The following KCNH1 variants were observed in gnomAD, a reference collection of about 807,000 sequenced individuals.
The protein encoded by KCNH1 is potassium voltage-gated channel subfamily H member 1.
Under a neutral mutation model 69.2 loss-of-function variants are expected in KCNH1, and 27 were observed. That is an observed-to-expected ratio of 0.39 (90% CI 0.29 to 0.54). The LOEUF is 0.54. Ranked by LOEUF, KCNH1 falls within the 20% of genes least tolerant of loss-of-function variation. The pLI, the probability that KCNH1 is intolerant of heterozygous loss-of-function variation, is 0.68. For synonymous variants in KCNH1, 456 were observed against 487.7 expected, an observed-to-expected ratio of 0.93 and a Z score of 0.86; for missense variants, 798 against 1,261.6, an observed-to-expected ratio of 0.63 and a Z score of 5.57.
chr1:211,124,402 T>A (rs916725652), intron 1 of KCNH1, among the ~76,000 whole-genome samples: 2 of 152,070 alleles, frequency 1.3e-5, no homozygotes, highest in Non-Finnish European at 2.9e-5. Flanking sequence ...TCCCAGCACT[T>A]TGGGAGGCCG....
chr1:211,126,655 C>A (rs1691782137), intron 1 of KCNH1, among the ~76,000 whole-genome samples: 1 of 148,178 alleles, frequency 6.7e-6, no homozygotes, highest in Non-Finnish European at 1.5e-5. Context: ...TCCAATCCAG[C>A]CTGGGTGACA....
chr1:210,761,109 G>A (rs959157519), intron 10 of KCNH1, among the ~76,000 whole-genome samples: 29 of 150,564 alleles, frequency 1.9e-4, no homozygotes, highest in East Asian at 5.8e-4. Flanking sequence ...AAAATTAGCC[G>A]GGCGTAGTGG....
At position 211,111,384 on chromosome 1, in the gene KCNH1, C is replaced by T. The variant is rs185429043; in HGVS notation, c.80-4007G>A. 2.9e-3 allele frequency among the ~76,000 whole-genome samples: 434 copies of T among 148,892 alleles called. 2 individuals carry two copies. Among genetic ancestry groups the T allele is most frequent in the South Asian group, 5.0e-3 (23 of 4,616 alleles). On this transcript the variant is annotated intron_variant, in intron 1 of 10. Transcript: ENST00000271751. Reference sequence around the variant, plus strand: ...AGTGAGGAGCACCTCTGCCCGGCCACCGCATGGTCTGGGAAGTCAGGAGCG... The same window carrying T: ...AGTGAGGAGCACCTCTGCCCGGCCATCGCATGGTCTGGGAAGTCAGGAGCG...
At chr1:210,839,446 G>T (rs1317481872) in intron 7 of KCNH1, among the ~76,000 whole-genome samples, 1 of 152,142 alleles carries the variant, frequency 6.6e-6, no homozygotes, top group African/African-American at 2.4e-5. Context: ...GGTGGGAAGA[G>T]GGAGAGAATC....
intron 5 of KCNH1, among the ~76,000 whole-genome samples, chr1:211,022,808 A>G (rs1689610155): frequency 6.6e-6 from 1 of 152,062 alleles, no homozygotes; most frequent in South Asian, 2.1e-4. Context: ...CTATTATCAA[A>G]AAGACAAAAA....
At chr1:210,736,379 T>A (rs895609415) in intron 10 of KCNH1, among the ~76,000 whole-genome samples, 2 of 152,098 alleles carry the variant, frequency 1.3e-5, no homozygotes, top group African/African-American at 4.8e-5. Context: ...AGAAACCCCA[T>A]CTCTACTAAA....
intron 5 of KCNH1, among the ~76,000 whole-genome samples, chr1:211,061,698 A>C (rs1690435754): frequency 6.6e-6 from 1 of 152,226 alleles, no homozygotes; most frequent in Non-Finnish European, 1.5e-5. Flanking sequence ...AAAAGAAATC[A>C]AGAAAGCGAT....
chr1:211,064,652 TA>T (rs543195389), intron 5 of KCNH1, among the ~76,000 whole-genome samples: 64 of 152,080 alleles, frequency 4.2e-4, no homozygotes, highest in African/African-American at 1.5e-3. Context: ...TATATCAAGC[TA>T]AAAGCCTTCT....
intron 6 of KCNH1, among the ~76,000 whole-genome samples, chr1:210,999,548 G>C (rs137984632): frequency 0.01 from 1,565 of 152,230 alleles, 31 homozygotes; most frequent in African/African-American, 0.035. Flanking sequence ...AAAAAGTCCA[G>C]GACCAGATGG....
chr1:211,020,333 A>G (rs1231469286), intron 5 of KCNH1, among the ~76,000 whole-genome samples: 1 of 152,042 alleles, frequency 6.6e-6, no homozygotes, highest in East Asian at 1.9e-4. Context: ...ACAAAGGATC[A>G]TTAGAAGCTA....
At position 210,850,086 on chromosome 1, in the gene KCNH1, C is replaced by T. The variant is rs1373393265; in HGVS notation, c.1463-45920G>A. On this transcript the variant is annotated intron_variant, in intron 7 of 10. Transcript: ENST00000271751. ...AAACTAGATAGAATGTAACCATTCC[C>T]CTAGCTCTAAGTGTGCAGGTCACTT... Among the ~76,000 whole-genome samples the T allele has an allele frequency of 2.0e-5, 3 of 152,150 alleles. No homozygotes were observed. The South Asian group carries it at 6.2e-4, about 31-fold the overall frequency.
intron 5 of KCNH1, among the ~76,000 whole-genome samples, chr1:211,032,332 C>T (rs1469169560): frequency 1.3e-5 from 2 of 152,204 alleles, no homozygotes; most frequent in Non-Finnish European, 2.9e-5. Context: ...AATGGACACA[C>T]TGCCCAAGGT....
chr1:210,817,918 T>G (rs1684852549), intron 7 of KCNH1, among the ~76,000 whole-genome samples: 1 of 152,150 alleles, frequency 6.6e-6, no homozygotes, highest in Non-Finnish European at 1.5e-5. Context: ...TTGCAGCATG[T>G]TTAGGGACAT....
At chr1:211,002,243 T>C (rs1303664046) in intron 6 of KCNH1, among the ~76,000 whole-genome samples, 2 of 148,310 alleles carry the variant, frequency 1.3e-5, no homozygotes, top group African/African-American at 5.1e-5. Context: ...AATATATATG[T>C]ATACGTATAT....
chr1:210,844,276 A>G (rs12092880), intron 7 of KCNH1, among the ~76,000 whole-genome samples: 34,580 of 152,182 alleles, frequency 0.23, 3,988 homozygotes, highest in African/African-American at 0.28. Flanking sequence ...TAATCCCAGC[A>G]TTTTGGGAGA....
intron 6 of KCNH1, among the ~76,000 whole-genome samples, chr1:211,007,833 A>G (rs558162660): frequency 6.6e-6 from 1 of 152,202 alleles, no homozygotes; most frequent in Admixed American, 6.5e-5. Context: ...TATTGTTTAT[A>G]AAGAATCCAA....
chr1:210,930,472 G>A (rs12064044), intron 6 of KCNH1, among the ~76,000 whole-genome samples: 4,824 of 152,200 alleles, frequency 0.032, 204 homozygotes, highest in African/African-American at 0.1. Context: ...GGGATAACTG[G>A]CAAGCCACAT....
At chr1:211,111,198 T>TAA (rs779413996) in intron 1 of KCNH1, among the ~76,000 whole-genome samples, 3 of 152,214 alleles carry the variant, frequency 2.0e-5, no homozygotes, top group Non-Finnish European at 2.9e-5. Flanking sequence ...AATGTTCTGA[T>TAA]AACCTTTTAA....
intron 5 of KCNH1, among the ~76,000 whole-genome samples, chr1:211,021,785 A>C (rs1287153827): frequency 6.6e-5 from 10 of 152,200 alleles, no homozygotes. Context: ...AAAGAGAAGA[A>C]AAATCTCTAC....
Sources: gnomAD v4.1 joint callset for allele counts (sites outside exome capture counted in the v4.1 genomes callset) on GRCh38, gnomAD v4.1.1 for gene constraint, MANE v1.5 for transcripts, NCBI Gene and HGNC (gene_info 2026-07-23, HGNC 2026-07-21) for gene names.